SLC31A2: variants seen among roughly 807,000 people sequenced by gnomAD.
SLC31A2 encodes protein SLC31A2.
SLC31A2 carries 16 observed loss-of-function variants against 14.4 expected under a neutral mutation model. The ratio of observed to expected loss-of-function variants is 1.11; its 90% confidence interval spans 0.75 to 1.69. The LOEUF is 1.69. Ranked by LOEUF, SLC31A2 falls within the 40% of genes most tolerant of loss-of-function variation. The pLI is 0.00. For synonymous variants in SLC31A2, 56 were observed against 68.7 expected (o/e 0.82, Z 0.91); for missense variants, 140 against 173.9 (o/e 0.81, Z 1.10).
intron 1 of SLC31A2, among the ~76,000 whole-genome samples, chr9:113,154,430 T>C (rs1254762679): frequency 6.6e-6 from 1 of 152,166 alleles, no homozygotes; most frequent in Non-Finnish European, 1.5e-5. Context: ...CCCTAACCAC[T>C]AGCCTTGCTG....
chr9:113,151,289 C>G lies in SLC31A2; in HGVS notation c.6+209C>G, dbSNP rs1829859740. ...TGGTTTTCCTCTTTATTTGTCCCTC[C>G]TGCTGGGAGGCAGTCCGGCTAGGCG... On this transcript the variant is annotated intron_variant, in intron 1 of 3. Transcript: ENST00000259392. This position sits in a 1 kb window ranked among gnomAD's most constrained non-coding sequence, Gnocchi z 4.2. Among the ~76,000 whole-genome samples the G allele has an allele frequency of 6.6e-6, 1 of 152,100 alleles. No homozygotes were observed. The highest frequency in any genetic ancestry group is 2.1e-4 in the South Asian group (1 of 4,834).
At chr9:113,161,105 G>GAGATGGTTTGCTGAGATAAC (rs1830005031) in intron 2 of SLC31A2, 1 of 162,422 alleles carries the variant, frequency 6.2e-6, no homozygotes, top group African/African-American at 2.4e-5. Context: ...AAAACCACCT[G>GAGATGGTTTGCTGAGATAAC]TATCCTACTT....
chr9:113,154,387 G>A (rs7860081), intron 1 of SLC31A2, among the ~76,000 whole-genome samples: 1 of 151,918 alleles, frequency 6.6e-6, no homozygotes, highest in Non-Finnish European at 1.5e-5. Context: ...AGCTGGGAGG[G>A]AGATCCAGGC....
chr9:113,152,260 AAG>A (rs1829878511), intron 1 of SLC31A2: 2 of 152,316 alleles, frequency 1.3e-5, no homozygotes, highest in African/African-American at 4.8e-5. Context: ...GATTCATCCC[AAG>A]TAGGAAAACA....
At chr9:113,159,815 A>G (rs890246846) in intron 2 of SLC31A2, among the ~76,000 whole-genome samples, 28 of 152,216 alleles carry the variant, frequency 1.8e-4, no homozygotes, top group African/African-American at 5.3e-4. Flanking sequence ...CAGGGTTCCC[A>G]TAACGCCTTT....
intron 2 of SLC31A2, among the ~76,000 whole-genome samples, chr9:113,160,640 T>C (rs547489110): frequency 2.4e-4 from 36 of 152,342 alleles, no homozygotes; most frequent in African/African-American, 8.4e-4. Flanking sequence ...GGAGGAATGA[T>C]TGATGACCTC....
At chr9:113,157,513 A>C (rs976142300) in intron 1 of SLC31A2, among the ~76,000 whole-genome samples, 1 of 152,188 alleles carries the variant, frequency 6.6e-6, no homozygotes, top group Non-Finnish European at 1.5e-5. Flanking sequence ...TCTCATATGG[A>C]GCATGGCCAG....
chr9:113,154,408 T>G (rs1014013889), intron 1 of SLC31A2, among the ~76,000 whole-genome samples: 1 of 152,306 alleles, frequency 6.6e-6, no homozygotes, highest in East Asian at 1.9e-4. Context: ...AGTGCAGCTT[T>G]AGAGACCGTG....
intron 2 of SLC31A2, among the ~76,000 whole-genome samples, chr9:113,160,855 C>G (rs1319119637): frequency 2.6e-5 from 4 of 152,168 alleles, no homozygotes; most frequent in Admixed American, 2.0e-4. Flanking sequence ...AGTCGTGTGC[C>G]AGGAAACCAG....
chr9:113,156,209 CCA>C (rs1205324617), intron 1 of SLC31A2: 4 of 506,482 alleles, frequency 7.9e-6, no homozygotes, highest in Non-Finnish European at 4.0e-6. Flanking sequence ...TCACAAGTAC[CCA>C]CAGTCTCACT....
At position 113,156,104 on chromosome 9, in the gene SLC31A2, G is replaced by A. The variant is rs528231527; in HGVS notation, c.7-1623G>A. The A allele has an allele frequency of 5.8e-6, 3 of 518,784 alleles. No individual in the cohort carries two copies. The East Asian group carries it at 1.6e-4, about 28-fold the overall frequency. The allele number at this position is 518,784 out of a possible 1,614,324, so 32.1% of individuals were successfully genotyped here. A position where few individuals can be genotyped will look rare whatever the true frequency, so the allele number is the denominator to read the frequency against. On this transcript the variant is annotated intron_variant, in intron 1 of 3. Transcript: ENST00000259392. The stretch of plus-strand genomic sequence containing the variant: ...CATGGCACAGCTTCCTGACAAAATG[G>A]CAGCTAATCAAATCTGCCTACCTTT...
intron 2 of SLC31A2, among the ~76,000 whole-genome samples, chr9:113,159,805 C>G (rs142805415): frequency 3.5e-4 from 54 of 152,324 alleles, no homozygotes; most frequent in Non-Finnish European, 6.8e-4. Flanking sequence ...GGCTATATGT[C>G]AGGGTTCCCA....
At chr9:113,153,366 C>T (rs762674395) in intron 1 of SLC31A2, among the ~76,000 whole-genome samples, 8 of 152,044 alleles carry the variant, frequency 5.3e-5, no homozygotes, top group Non-Finnish European at 1.0e-4. Flanking sequence ...ATTTACTTGA[C>T]CAGTCCCTAC....
intron 2 of SLC31A2, among the ~76,000 whole-genome samples, chr9:113,159,409 A>G (rs1458156516): frequency 6.6e-6 from 1 of 152,166 alleles, no homozygotes; most frequent in East Asian, 1.9e-4. Context: ...CTGGGATTAC[A>G]GGCATGAGCT....
intron 2 of SLC31A2, chr9:113,160,935 T>C (rs979655311): frequency 1.3e-5 from 2 of 152,394 alleles, no homozygotes; most frequent in Non-Finnish European, 2.9e-5. Flanking sequence ...GGACCACTTA[T>C]TATCCCTCTT....
At chr9:113,154,319 T>G (rs1829906085) in intron 1 of SLC31A2, among the ~76,000 whole-genome samples, 1 of 152,110 alleles carries the variant, frequency 6.6e-6, no homozygotes, top group Admixed American at 6.5e-5. Context: ...GGAGACTGGG[T>G]CCACAGGGGG....
At position 113,161,534 on chromosome 9, in the gene SLC31A2, C is replaced by T. The variant is rs1042525671; in HGVS notation, c.99C>T (p.Leu33=). The change falls in exon 3 of 4, where the codon CTC becomes CTT. Residue 33 remains leucine (L), a synonymous_variant. Transcript: ENST00000259392. ...PAGMALSVLV[L]LLLAVLYEGI... ...GCATGGCCCTTTCGGTGTTGGTGCT[C>T]CTGCTTCTGGCTGTACTGTATGAAG... is the stretch of plus-strand genomic sequence containing the variant. 61 of 1,613,880 alleles carry T rather than the reference C, an allele frequency of 3.8e-5. No homozygotes were observed. The highest frequency in any genetic ancestry group is 5.1e-5 in the Non-Finnish European group (60 of 1,179,912).
chr9:113,157,784 A>G lies in SLC31A2; in HGVS notation c.64A>G (p.Ser22Gly). 1 of 1,612,772 alleles carries G rather than the reference A, an allele frequency of 6.2e-7. No homozygotes were observed. Residue 22 changes from serine to glycine, a missense_variant, in exon 2 of 4, where the codon AGT (serine) becomes GGT (glycine). Physicochemically the swap from Ser to Gly is moderately conservative, Grantham distance 56. Transcript: ENST00000259392. ...VLLFDFWSVHSPAGMALSVLV... is the reference protein window; with the variant it reads ...VLLFDFWSVHGPAGMALSVLV... The stretch of plus-strand genomic sequence containing the variant: ...TCTGTTTGATTTCTGGAGTGTCCAC[A>G]GTCCTGCTGGTAAGAATTGGGGACC...
chr9:113,158,597 G>A (rs1228524619), intron 2 of SLC31A2, among the ~76,000 whole-genome samples: 1 of 152,184 alleles, frequency 6.6e-6, no homozygotes, highest in Non-Finnish European at 1.5e-5. Flanking sequence ...GCTGATACTG[G>A]TTGTTAGCTA....
Sources: gnomAD v4.1 joint callset for allele counts (sites outside exome capture counted in the v4.1 genomes callset) on GRCh38, gnomAD v4.1.1 for gene constraint, Gnocchi (gnomAD v3.1) non-coding constraint, MANE v1.5 for transcripts, NCBI Gene and HGNC (gene_info 2026-07-23, HGNC 2026-07-21) for gene names.